The following DPP6 variants were observed in gnomAD, a reference collection of about 807,000 sequenced individuals.
DPP6 encodes dipeptidyl peptidase like 6, also known as A-type potassium channel modulatory protein DPP6.
In DPP6, 69 loss-of-function variants were observed where a neutral mutation model predicts 122.6. That is an observed-to-expected ratio of 0.56 (90% CI 0.46 to 0.69). DPP6 has a LOEUF of 0.69. DPP6 is among the 30% of genes least tolerant of loss of function. The pLI is 0.00. For missense variants in DPP6, 928 were observed against 1,116.9 expected (o/e 0.83, Z 2.41); for synonymous variants, 418 against 433.1 (o/e 0.97, Z 0.43).
At chr7:154,327,978 C>T (rs1808595288) in intron 1 of DPP6, among the ~76,000 whole-genome samples, 2 of 152,152 alleles carry the variant, frequency 1.3e-5, no homozygotes, top group Non-Finnish European at 2.9e-5. Context: ...CACCTTAATG[C>T]TTTTAGCGGG....
chr7:154,521,199 A>C (rs1222424183), intron 3 of DPP6, among the ~76,000 whole-genome samples: 1 of 152,192 alleles, frequency 6.6e-6, no homozygotes, highest in Non-Finnish European at 1.5e-5. Flanking sequence ...ATTTCTGAGG[A>C]TATTCATTCC....
chr7:154,496,744 G>A (rs1000125292), intron 3 of DPP6, among the ~76,000 whole-genome samples: 12 of 152,164 alleles, frequency 7.9e-5, no homozygotes, highest in African/African-American at 2.9e-4. Context: ...GGAAGAACTT[G>A]GAAATGTGTG....
chr7:153,930,938 G>A (rs1801141875), intron 1 of DPP6, among the ~76,000 whole-genome samples: 1 of 152,208 alleles, frequency 6.6e-6, no homozygotes, highest in Non-Finnish European at 1.5e-5. Flanking sequence ...GGCGCAGCTT[G>A]TTTTAGAACA....
chr7:154,350,077 A>G (rs767720061), intron 1 of DPP6, among the ~76,000 whole-genome samples: 14 of 152,286 alleles, frequency 9.2e-5, no homozygotes, highest in Non-Finnish European at 2.1e-4. Context: ...AGACAGATGA[A>G]CCGTAGGACA....
At chr7:153,828,070 C>T in the DPP6 span, among the ~76,000 whole-genome samples, 1 of 121,782 alleles carries the variant, frequency 8.2e-6, no homozygotes, top group East Asian at 1.9e-4. Context: ...GGTCTGAATC[C>T]CACATCACCC....
At chr7:154,261,088 G>C (rs1000695269) in intron 1 of DPP6, among the ~76,000 whole-genome samples, 11 of 152,132 alleles carry the variant, frequency 7.2e-5, no homozygotes, top group African/African-American at 2.4e-4. Context: ...TAGAGACAGG[G>C]TTTCACCGTA....
At chr7:154,297,129 A>ATT (rs11408704) in intron 1 of DPP6, among the ~76,000 whole-genome samples, 8 of 144,072 alleles carry the variant, frequency 5.6e-5, no homozygotes, top group Admixed American at 1.4e-4. Flanking sequence ...ATATCAGAAG[A>ATT]TTTTTTTTTT....
intron 7 of DPP6, among the ~76,000 whole-genome samples, chr7:154,717,383 C>A (rs1841547071): frequency 7.2e-6 from 1 of 139,012 alleles, no homozygotes; most frequent in Admixed American, 6.8e-5. Context: ...TGCACACAAA[C>A]ACACACACAC....
At chr7:154,128,315 C>G (rs529172367) in intron 1 of DPP6, among the ~76,000 whole-genome samples, 5 of 152,272 alleles carry the variant, frequency 3.3e-5, no homozygotes, top group African/African-American at 9.6e-5. Flanking sequence ...CATGGTGGCT[C>G]ACATCTGTAA....
rs1803705106 is a variant in DPP6, at chr7:154,864,751, G to A, written c.1715-3244G>A. On this transcript the variant is annotated intron_variant, in intron 17 of 25. Transcript: ENST00000377770. The stretch of plus-strand genomic sequence containing the variant: ...TAGTCTGTTGCTTTGGTGCTTTCCT[G>A]TGAAGGGTGGGATTTCAATAGAGAG... 2.0e-5 allele frequency among the ~76,000 whole-genome samples: 3 copies of A among 152,204 alleles called. No homozygotes were observed. In the South Asian group the frequency reaches 6.2e-4, roughly 32 times the overall value.
At chr7:153,799,672 G>A in the DPP6 span, among the ~76,000 whole-genome samples, 1 of 152,018 alleles carries the variant, frequency 6.6e-6, no homozygotes, top group Non-Finnish European at 1.5e-5. Context: ...CTGCAAAAAT[G>A]TTTGAAATTT....
the DPP6 span, among the ~76,000 whole-genome samples, chr7:153,783,363 T>G: frequency 2.6e-5 from 4 of 152,144 alleles, no homozygotes; most frequent in East Asian, 7.7e-4. Context: ...TGTCAGACAC[T>G]TACAAACATC....
chr7:154,332,821 G>A (rs549581697), intron 1 of DPP6, among the ~76,000 whole-genome samples: 1 of 152,276 alleles, frequency 6.6e-6, no homozygotes, highest in African/African-American at 2.4e-5. Context: ...TTTTGGGAAG[G>A]TGCGTTTGGC....
At chr7:154,185,518 A>T (rs1467700752) in intron 1 of DPP6, among the ~76,000 whole-genome samples, 1 of 152,158 alleles carries the variant, frequency 6.6e-6, no homozygotes, top group Non-Finnish European at 1.5e-5. Context: ...CACACTTGTA[A>T]TGCAGGGCTG....
intron 16 of DPP6, among the ~76,000 whole-genome samples, chr7:154,814,904 A>C (rs1176800244): frequency 6.6e-6 from 1 of 152,120 alleles, no homozygotes; most frequent in East Asian, 1.9e-4. Context: ...CAATCATTGG[A>C]TGAGGACCCA....
intron 1 of DPP6, among the ~76,000 whole-genome samples, chr7:154,102,576 T>G (rs918464079): frequency 1.3e-5 from 2 of 152,182 alleles, no homozygotes; most frequent in African/African-American, 4.8e-5. Flanking sequence ...TGTGCGTTTT[T>G]CCTTGTTCTC....
chr7:153,786,525 G>T, the DPP6 span, among the ~76,000 whole-genome samples: 1 of 151,418 alleles, frequency 6.6e-6, no homozygotes, highest in East Asian at 2.0e-4. Flanking sequence ...GGATCACGAG[G>T]TCAGGAGATC....
In DPP6 at chr7:154,054,747, G is replaced by A. The variant is rs572803340; in HGVS notation, c.243+1684G>A. ...TTGGGGAAGACAGTTAAGCTGCAAT[G>A]CAAACAGGAAAAATGTACTTTTTAC... On this transcript the variant is annotated intron_variant, in intron 1 of 25. Coordinates refer to ENST00000377770, the MANE Select transcript of DPP6 (RefSeq NM_130797.4). 5.3e-3 allele frequency among the ~76,000 whole-genome samples: 788 copies of A among 149,980 alleles called. 4 individuals are homozygous for A. Among genetic ancestry groups the A allele is most frequent in the Non-Finnish European group, 8.5e-3 (577 of 67,590 alleles).
chr7:154,395,241 A>C (rs1221658426), intron 1 of DPP6, among the ~76,000 whole-genome samples: 1 of 152,152 alleles, frequency 6.6e-6, no homozygotes, highest in Non-Finnish European at 1.5e-5. Flanking sequence ...TTCTTGACCT[A>C]ATCAACTCCC....
Sources: allele counts gnomAD v4.1 joint callset (sites outside exome capture counted in the v4.1 genomes callset), GRCh38; gene constraint gnomAD v4.1.1; transcripts MANE v1.5; gene names NCBI Gene and HGNC (gene_info 2026-07-23, HGNC 2026-07-21).